The following TBC1D26 variants were observed in gnomAD, a reference collection of about 807,000 sequenced individuals.
The protein encoded by TBC1D26 is TBC1 domain family, member 26.
In TBC1D26, 19 loss-of-function variants were observed where a neutral mutation model predicts 42.5. The ratio of observed to expected loss-of-function variants is 0.45; its 90% CI spans 0.31 to 0.66. The LOEUF is 0.66. Ranked by LOEUF, TBC1D26 falls within the 30% of genes least tolerant of loss-of-function variation. The pLI is 0.06. For synonymous variants in TBC1D26, 97 were observed against 123.5 expected (o/e 0.79, Z 1.42); for missense variants, 228 against 332.6 (o/e 0.69, Z 2.45).
chr17:15,736,757 GT>G (rs1967623770), intron 4 of TBC1D26, among the ~76,000 whole-genome samples: 1 of 152,296 alleles, frequency 6.6e-6, no homozygotes, highest in Non-Finnish European at 1.5e-5. Context: ...GCTGCCCTGG[GT>G]GTCTCCCCAG....
chr17:15,739,342 T>C (rs933916814), intron 8 of TBC1D26, among the ~76,000 whole-genome samples: 3 of 152,144 alleles, frequency 2.0e-5, no homozygotes, highest in Admixed American at 1.3e-4. Context: ...GTGACAGATA[T>C]TGGCCACACT....
At chr17:15,742,135 C>T in intron 11 of TBC1D26, 99 bp downstream of exon 11, 1 of 976,804 alleles carries the variant, frequency 1.0e-6, no homozygotes, top group Non-Finnish European at 1.5e-6. Context: ...GGCTGAGTCC[C>T]AGCCACGGCC....
intron 6 of TBC1D26, 81 bp downstream of exon 6, chr17:15,738,158 G>C: frequency 7.0e-7 from 1 of 1,420,796 alleles, no homozygotes; most frequent in Non-Finnish European, 9.7e-7. Flanking sequence ...ACCTGGCACC[G>C]TCTGCCTCTC....
chr17:15,735,300 C>T (rs1458998321), intron 2 of TBC1D26, 48 bp from the exon 3 acceptor site: 2 of 1,545,472 alleles, frequency 1.3e-6, no homozygotes, highest in East Asian at 2.2e-5. Context: ...TGGCTGTTCT[C>T]TGGAGCTCTT....
At position 15,740,605 on chromosome 17, in the gene TBC1D26, G is replaced by C. The variant is rs543298489; in HGVS notation, c.546+457G>C. 9.3e-4 allele frequency: 1,008 copies of C among 1,085,402 alleles called. 14 individuals are homozygous for C. In the African/African-American group the frequency reaches 0.013, roughly 14 times the overall value. 67.2% of individuals were successfully genotyped at this position (1,085,402 alleles called of 1,614,324 possible). A position where few individuals can be genotyped will look rare whatever the true frequency, so the allele number is the denominator to read the frequency against. ...AGGGAGGGGGGTCACCCAGGTGGCT[G>C]TTCCTGCTTGGCCCCCACTTTCCAG... On this transcript the variant is annotated intron_variant, in intron 9 of 14. Transcript: ENST00000437605.
At chr17:15,737,609 C>T (rs1488011417) in intron 5 of TBC1D26, 86 bp downstream of exon 5, 2 of 1,534,310 alleles carry the variant, frequency 1.3e-6, no homozygotes, top group Non-Finnish European at 1.8e-6. Context: ...GGCCTGTGGG[C>T]CTGTGTGGTG....
At chr17:15,736,880 C>G (rs999011220) in intron 4 of TBC1D26, among the ~76,000 whole-genome samples, 3 of 152,264 alleles carry the variant, frequency 2.0e-5, no homozygotes, top group Non-Finnish European at 4.4e-5. Context: ...CCAGGGTGGC[C>G]GGAGAGAGGG....
Position 15,743,351 on chromosome 17 carries a change from C to T in TBC1D26, c.908-16C>T, listed in dbSNP as rs764141232. 72 of 985,800 alleles carry T rather than the reference C, an allele frequency of 7.3e-5. No homozygotes were observed. The highest frequency in any genetic ancestry group is 8.6e-5 in the Non-Finnish European group (71 of 829,874). 61.1% of individuals were successfully genotyped at this position (985,800 alleles called of 1,614,324 possible). ...CCCAGGGAACCCTCCTGGCCTGATG[C>T]CCGCCCTCTCCCTAGAGCACCTCAT... On this transcript the variant is annotated splice_polypyrimidine_tract_variant and intron_variant, in intron 13 of 14. Transcript: ENST00000437605.
In TBC1D26 at chr17:15,735,630, C is replaced by T. The variant is rs1337583180; in HGVS notation, c.109C>T (p.His37Tyr). 5 of 808,066 alleles carry T rather than the reference C, an allele frequency of 6.2e-6. No individual in the cohort carries two copies. Among genetic ancestry groups the T allele is most frequent in the Non-Finnish European group, 9.9e-6 (5 of 504,776 alleles). The allele number at this position is 808,066 out of a possible 1,614,324, so 50.1% of individuals were successfully genotyped here. ...HRAGAAVDLG[H>Y]EQVDVRKYTN... ...AGCTGGGGCAGCAGTGGACTTGGGG[C>T]ATGAGCAGGTTGATGTCAGAAAATA... Residue 37 changes from histidine to tyrosine, a missense_variant, in exon 4 of 15, where the codon CAT becomes TAT. By Grantham distance (83) the His-to-Tyr change is moderately conservative. Around this residue, in one of 5 missense-constraint regions of TBC1D26, gnomAD observed 5 missense variants for 31.6 expected, o/e 0.16. Transcript: ENST00000437605.
rs1967571703 is a variant in TBC1D26 at position 15,735,019 on chromosome 17, T to A, written c.-53T>A. The A allele has an allele frequency of 2.5e-6, 1 of 401,926 alleles. No homozygotes were observed. The highest frequency in any genetic ancestry group is 2.0e-5 in the African/African-American group (1 of 49,992). The allele number at this position is 401,926 out of a possible 1,614,324, so 24.9% of individuals were successfully genotyped here. ...GCCTCCAGGTGCCCAGAACAGCCCA[T>A]CGTGGGGACTTCACCCTCAGCAAGT... is the stretch of plus-strand genomic sequence containing the variant. On this transcript the variant is annotated 5_prime_UTR_variant, in exon 2 of 15. Transcript: ENST00000437605.
At position 15,741,232 on chromosome 17, in the gene TBC1D26, C is replaced by A. The variant is rs1311832471; in HGVS notation, c.646+11C>A. 5 of 1,613,516 alleles carry A rather than the reference C, an allele frequency of 3.1e-6. No individual in the cohort carries two copies. The highest frequency in any genetic ancestry group is 3.4e-6 in the Non-Finnish European group (4 of 1,179,912). On this transcript the variant is annotated intron_variant, in intron 10 of 14. Coordinates refer to ENST00000437605, the MANE Select transcript of TBC1D26 (RefSeq NM_001388465.1). ...CCCAGTTGCTCGCTGGTGAGAGGCA[C>A]TCCCTGTGGGTAGGTGGACAGCTGC...
At chr17:15,744,219 A>G (rs1267298644) in intron 14 of TBC1D26, 24 bp from the exon 15 acceptor site, 1 of 152,136 alleles carries the variant, frequency 6.6e-6, no homozygotes, top group Non-Finnish European at 1.5e-5. Flanking sequence ...ATTTCTTTCC[A>G]TTTGTGACTC....
intron 5 of TBC1D26, 82 bp downstream of exon 5, chr17:15,737,605 T>C: frequency 1.3e-6 from 2 of 1,541,470 alleles, no homozygotes; most frequent in Non-Finnish European, 1.8e-6. Flanking sequence ...GGGTGGCCTG[T>C]GGGCCTGTGT....
intron 4 of TBC1D26, among the ~76,000 whole-genome samples, chr17:15,737,214 G>A (rs184523945): frequency 2.0e-5 from 3 of 152,260 alleles, no homozygotes; most frequent in Non-Finnish European, 4.4e-5. Flanking sequence ...AGCCCAGGTG[G>A]AGCAGCACCA....
intron 8 of TBC1D26, among the ~76,000 whole-genome samples, 196 bp from the exon 9 acceptor site, chr17:15,739,904 G>A (rs1207513772): frequency 7.9e-5 from 12 of 152,234 alleles, no homozygotes; most frequent in African/African-American, 2.7e-4. Context: ...GTACACCTAC[G>A]ACATTGCATT....
chr17:15,740,168 G>A lies in TBC1D26; in HGVS notation c.546+20G>A, dbSNP rs187706652. On this transcript the variant is annotated intron_variant, in intron 9 of 14. Transcript: ENST00000437605. ...AACCCTGTGAGTATTCCCGGGCAGC[G>A]ATATTCCTGGGACATGTGCCCATAT... 33 of 1,614,128 alleles carry A rather than the reference G, an allele frequency of 2.0e-5. No homozygotes were observed. The highest frequency in any genetic ancestry group is 1.8e-4 in the South Asian group (16 of 91,064).
intron 5 of TBC1D26, 128 bp downstream of exon 5, chr17:15,737,651 T>G (rs1597754905): frequency 1.9e-6 from 2 of 1,076,892 alleles, no homozygotes; most frequent in Non-Finnish European, 2.7e-6. Flanking sequence ...CTGGGAGGGG[T>G]GGCCTTTCCT....
chr17:15,732,676 A>G (rs1199913184), intron 1 of TBC1D26, among the ~76,000 whole-genome samples: 1 of 152,126 alleles, frequency 6.6e-6, no homozygotes, highest in African/African-American at 2.4e-5. Context: ...CTGTGGCCCT[A>G]GATTCCAAAT....
intron 8 of TBC1D26, among the ~76,000 whole-genome samples, chr17:15,739,802 G>A (rs1471151082): frequency 1.3e-5 from 2 of 152,396 alleles, no homozygotes; most frequent in African/African-American, 4.8e-5. Context: ...CCGTGGAACT[G>A]CACGTCCCAA....
Sources: allele counts gnomAD v4.1 joint callset (sites outside exome capture counted in the v4.1 genomes callset), GRCh38; gene constraint gnomAD v4.1.1; regional missense constraint gnomAD v4.1.1; transcripts MANE v1.5; gene names NCBI Gene and HGNC (gene_info 2026-07-23, HGNC 2026-07-21).